MACROD2: variants seen among roughly 807,000 people sequenced by gnomAD.
The protein encoded by MACROD2 is mono-ADP ribosylhydrolase 2, also known as ADP-ribose glycohydrolase MACROD2.
MACROD2 carries 36 observed loss-of-function variants against 70.4 expected under a neutral mutation model. The ratio of observed to expected loss-of-function variants is 0.51; its 90% confidence interval spans 0.39 to 0.68. MACROD2 has a LOEUF of 0.68. Among genes scored for constraint, MACROD2 ranks in the 30% least tolerant of loss-of-function variants. The pLI is 0.00. For synonymous variants in MACROD2, 172 were observed against 178.8 expected (o/e 0.96, Z 0.30); for missense variants, 496 against 538.4 (o/e 0.92, Z 0.78).
At chr20:15,152,312 C>G (rs181455732) in intron 5 of MACROD2, among the ~76,000 whole-genome samples, 33 of 151,680 alleles carry the variant, frequency 2.2e-4, no homozygotes, top group African/African-American at 6.5e-4. Context: ...AAGGTGAAAG[C>G]TTGCCCATAG....
At chr20:15,109,951 TGA>T (rs2123217757) in intron 5 of MACROD2, among the ~76,000 whole-genome samples, 1 of 152,204 alleles carries the variant, frequency 6.6e-6, no homozygotes, top group South Asian at 2.1e-4. Context: ...GTGCCGTTTG[TGA>T]TAATAGGTTC....
intron 3 of MACROD2, among the ~76,000 whole-genome samples, chr20:14,319,330 C>A (rs778527057): frequency 2.6e-5 from 4 of 152,084 alleles, no homozygotes; most frequent in Non-Finnish European, 5.9e-5. Context: ...TGGCTTAGGC[C>A]GCACCTCTTG....
At chr20:15,349,790 T>C (rs1157772037) in intron 6 of MACROD2, among the ~76,000 whole-genome samples, 1 of 147,310 alleles carries the variant, frequency 6.8e-6, no homozygotes, top group Non-Finnish European at 1.5e-5. Context: ...AAAATTATGG[T>C]GAAATAATGG....
intron 2 of MACROD2, among the ~76,000 whole-genome samples, chr20:14,033,788 A>G (rs1451601929): frequency 2.0e-5 from 3 of 152,176 alleles, no homozygotes. Context: ...GCTATATTCC[A>G]GAAAACCTTT....
chr20:15,336,389 A>G (rs6074877), intron 6 of MACROD2, among the ~76,000 whole-genome samples: 15,557 of 150,758 alleles, frequency 0.1, 1,072 homozygotes, highest in Non-Finnish European at 0.15. Context: ...AAAAAAAAGA[A>G]AAAAAAAGGT....
chr20:15,468,802 T>C (rs900957510), intron 7 of MACROD2, among the ~76,000 whole-genome samples: 1 of 152,208 alleles, frequency 6.6e-6, no homozygotes. Context: ...TCAATCTCCA[T>C]GCAAAGTATC....
intron 3 of MACROD2, among the ~76,000 whole-genome samples, chr20:14,281,947 AAAAAG>A (rs2082310136): frequency 1.3e-5 from 2 of 151,206 alleles, no homozygotes; most frequent in East Asian, 3.9e-4. Flanking sequence ...AAAAAAAAAA[AAAAAG>A]AAAAGAAAAA....
At chr20:16,008,905 G>C (rs928337199) in intron 15 of MACROD2, among the ~76,000 whole-genome samples, 6 of 151,888 alleles carry the variant, frequency 4.0e-5, no homozygotes, top group African/African-American at 1.2e-4. Flanking sequence ...GGAACCATGA[G>C]AGACATTCAA....
intron 8 of MACROD2, among the ~76,000 whole-genome samples, chr20:15,839,929 T>C (rs932643151): frequency 2.6e-5 from 4 of 152,186 alleles, no homozygotes; most frequent in Admixed American, 2.0e-4. Context: ...AGTTCCCTCA[T>C]CTATGAAATA....
chr20:14,717,534 G>GT (rs11482339), intron 5 of MACROD2, among the ~76,000 whole-genome samples: 61,571 of 143,106 alleles, frequency 0.43, 13,358 homozygotes, highest in Non-Finnish European at 0.51. Context: ...CTTTTATGTA[G>GT]TTTTTTTTTT....
intron 8 of MACROD2, among the ~76,000 whole-genome samples, chr20:15,669,330 G>A (rs2049946229): frequency 6.6e-6 from 1 of 152,166 alleles, no homozygotes; most frequent in African/African-American, 2.4e-5. Flanking sequence ...AATGTGCAGG[G>A]TATAAGTTTT....
intron 15 of MACROD2, among the ~76,000 whole-genome samples, chr20:16,024,386 T>C (rs1341695955): frequency 6.6e-6 from 1 of 152,128 alleles, no homozygotes; most frequent in Non-Finnish European, 1.5e-5. Context: ...AAAAATGTCT[T>C]CAAAACAATG....
chr20:14,892,270 G>A (rs151208016), intron 5 of MACROD2, among the ~76,000 whole-genome samples: 2,015 of 152,166 alleles, frequency 0.013, 35 homozygotes, highest in African/African-American at 0.044. Flanking sequence ...TCAGGAGTTC[G>A]AGACCAGTCT....
Position 15,885,807 on chromosome 20 carries a change from T to C in MACROD2, c.771T>C (p.Asp257=). ...EEEEDVEMKE[D]SDENGPEEKQ... ...AAGAGGATGTTGAAATGAAAGAAGA[T>C]TCAGGTATTAAATTCATACTTTTAT... Residue 257 remains aspartate, a synonymous_variant, in exon 10 of 18, where the codon GAT becomes GAC. Transcript: ENST00000684519. 6.7e-7 allele frequency: 1 copy of C among 1,499,864 alleles called. No homozygotes were observed. The highest frequency in any genetic ancestry group is 2.6e-5 in the East Asian group (1 of 38,922). 92.9% of individuals were successfully genotyped at this position (1,499,864 alleles called of 1,614,324 possible).
In MACROD2 at chr20:14,841,336, T is replaced by C. The variant is rs190885449; in HGVS notation, c.418+156377T>C. Among the ~76,000 whole-genome samples the C allele has an allele frequency of 2.6e-5, 4 of 152,320 alleles. No individual in the cohort carries two copies. In the East Asian group the frequency reaches 7.7e-4, roughly 29 times the overall value. ...ATTAATGTAGATTGAGTGAATGAACTAATTACTTTGTAATTTGTTCTAATA... is the reference window on the plus strand; with the variant it reads ...ATTAATGTAGATTGAGTGAATGAACCAATTACTTTGTAATTTGTTCTAATA... On this transcript the variant is annotated intron_variant, in intron 5 of 17. Transcript: ENST00000684519.
intron 5 of MACROD2, among the ~76,000 whole-genome samples, chr20:15,136,687 G>A (rs1483128102): frequency 6.6e-6 from 1 of 151,758 alleles, no homozygotes; most frequent in African/African-American, 2.4e-5. Flanking sequence ...AAAAGCAATG[G>A]CAACAAAAGC....
At chr20:15,067,041 G>C (rs754615340) in intron 5 of MACROD2, among the ~76,000 whole-genome samples, 22 of 152,076 alleles carry the variant, frequency 1.4e-4, no homozygotes, top group Non-Finnish European at 1.8e-4. Context: ...TTGGCAGGCT[G>C]TTTCTCATTT....
intron 5 of MACROD2, among the ~76,000 whole-genome samples, chr20:14,726,018 T>C (rs1439491382): frequency 6.6e-6 from 1 of 152,156 alleles, no homozygotes; most frequent in Non-Finnish European, 1.5e-5. Flanking sequence ...CCTTTCTTCA[T>C]TGAAATATTA....
At chr20:15,021,227 C>CATATACGCACACCTGTGTGTAT (rs2075175009) in intron 5 of MACROD2, among the ~76,000 whole-genome samples, 2 of 9,594 alleles carry the variant, frequency 2.1e-4, no homozygotes, top group Non-Finnish European at 4.2e-4. Flanking sequence ...TACAGGTGTG[C>CATATACGCACACCTGTGTGTAT]GTATACACAC....
Sources: gnomAD v4.1 joint callset for allele counts (sites outside exome capture counted in the v4.1 genomes callset) on GRCh38, gnomAD v4.1.1 for gene constraint, MANE v1.5 for transcripts, NCBI Gene and HGNC (gene_info 2026-07-23, HGNC 2026-07-21) for gene names.